SLC14A2: variants seen among roughly 807,000 people sequenced by gnomAD.
SLC14A2 encodes the protein solute carrier family 14 member 2.
A neutral mutation model predicts 104.6 loss-of-function variants in SLC14A2; 91 were observed. The ratio of observed to expected loss-of-function variants is 0.87; its 90% confidence interval spans 0.73 to 1.04. The LOEUF (loss-of-function observed/expected upper bound fraction) is 1.04. Ranked by LOEUF, SLC14A2 falls within the 50% of genes least tolerant of loss-of-function variation. SLC14A2 has a pLI of 0.00. For missense variants in SLC14A2, 1,189 were observed against 1,156.0 expected, an observed-to-expected ratio of 1.03 and a Z score of -0.41; for synonymous variants, 476 against 466.4, an observed-to-expected ratio of 1.02 and a Z score of -0.27.
chr18:45,329,434 A>G (rs2085268134), intron 1 of SLC14A2, among the ~76,000 whole-genome samples: 1 of 152,206 alleles, frequency 6.6e-6, no homozygotes, highest in Non-Finnish European at 1.5e-5. Context: ...CAATTTGCAG[A>G]CTACAACACC....
chr18:45,629,690 T>C (rs929803057), intron 4 of SLC14A2, among the ~76,000 whole-genome samples: 1 of 152,194 alleles, frequency 6.6e-6, no homozygotes, highest in African/African-American at 2.4e-5. Context: ...ATTAATCTAC[T>C]GGTAAACATG....
intron 1 of SLC14A2, among the ~76,000 whole-genome samples, chr18:45,481,361 G>A (rs2087489750): frequency 6.6e-6 from 1 of 152,106 alleles, no homozygotes. Context: ...CATGGCTAAT[G>A]AATCCTATTT....
At chr18:45,457,898 C>G (rs918626822) in intron 1 of SLC14A2, among the ~76,000 whole-genome samples, 6 of 152,042 alleles carry the variant, frequency 3.9e-5, no homozygotes, top group Admixed American at 3.9e-4. Flanking sequence ...GAAGAAGCAT[C>G]CTGGAGTCAG....
chr18:45,584,860 A>T (rs1488865471), intron 2 of SLC14A2, among the ~76,000 whole-genome samples: 1 of 152,218 alleles, frequency 6.6e-6, no homozygotes, highest in Non-Finnish European at 1.5e-5. Context: ...AAAAAATGTT[A>T]AGTGCTGGAA....
intron 1 of SLC14A2, among the ~76,000 whole-genome samples, chr18:45,348,248 T>C (rs2085468852): frequency 6.6e-6 from 1 of 152,192 alleles, no homozygotes; most frequent in Non-Finnish European, 1.5e-5. Context: ...TTATGGAAAG[T>C]AGTTGCAAGA....
intron 2 of SLC14A2, among the ~76,000 whole-genome samples, chr18:45,483,837 T>C (rs978475449): frequency 1.3e-5 from 2 of 152,198 alleles, no homozygotes; most frequent in African/African-American, 4.8e-5. Context: ...CATCGATTTA[T>C]TGGTTGTTTG....
intron 1 of SLC14A2, among the ~76,000 whole-genome samples, chr18:45,393,127 G>C (rs533968781): frequency 6.6e-6 from 1 of 152,276 alleles, no homozygotes; most frequent in African/African-American, 2.4e-5. Context: ...GTAGAGTTCT[G>C]GATGTTGTTA....
At chr18:45,649,325 C>G (rs998119350) in intron 10 of SLC14A2, among the ~76,000 whole-genome samples, 2 of 152,174 alleles carry the variant, frequency 1.3e-5, no homozygotes, top group Admixed American at 1.3e-4. Context: ...TCACTATTCT[C>G]CTCCCCAGCG....
chr18:45,238,034 A>T (rs533720720), intron 1 of SLC14A2, among the ~76,000 whole-genome samples: 2 of 152,306 alleles, frequency 1.3e-5, no homozygotes, highest in African/African-American at 4.8e-5. Context: ...ATTCCACCCA[A>T]GGTCTCCGGG....
chr18:45,172,392 A>G, the SLC14A2 span, among the ~76,000 whole-genome samples: 3 of 152,182 alleles, frequency 2.0e-5, no homozygotes, highest in Non-Finnish European at 4.4e-5. Flanking sequence ...AGAAGTCACC[A>G]AGGATTGAAA....
In SLC14A2 at chr18:45,637,015, T is replaced by C. The variant is rs199690967; in HGVS notation, c.676T>C (p.Ser226Pro). Residue 226 changes from serine to proline, a missense_variant, in exon 6 of 20, where the codon TCC (serine) becomes CCC (proline). Transcript: ENST00000255226. ...CCCAGTTCTTTCTAGTGCCTTGAAT[T>C]CCATCTTCAGCAAGTGGGACCTCCC... The part of the protein sequence containing the change: ...SCPVLSSALN[S>P]IFSKWDLPVF... 6.2e-7 allele frequency: 1 copy of C among 1,614,162 alleles called. No individual in the cohort carries two copies. Among genetic ancestry groups the C allele is most frequent in the East Asian group, 2.2e-5 (1 of 44,880 alleles).
intron 2 of SLC14A2, among the ~76,000 whole-genome samples, chr18:45,599,829 C>T (rs2044764351): frequency 6.6e-6 from 1 of 152,194 alleles, no homozygotes; most frequent in Non-Finnish European, 1.5e-5. Flanking sequence ...CAAGACACAT[C>T]TTACATGGAT....
At chr18:45,661,042 GTT>G (rs914466167) in intron 10 of SLC14A2, among the ~76,000 whole-genome samples, 18 of 152,148 alleles carry the variant, frequency 1.2e-4, no homozygotes, top group Non-Finnish European at 4.4e-5. Context: ...GGTACTTTCT[GTT>G]TTTGATTTTT....
At chr18:45,437,452 G>A (rs1283400399) in intron 1 of SLC14A2, among the ~76,000 whole-genome samples, 1 of 152,140 alleles carries the variant, frequency 6.6e-6, no homozygotes, top group Non-Finnish European at 1.5e-5. Context: ...CCTGGAGCCA[G>A]GCATGCCCAA....
chr18:45,595,873 A>C lies in SLC14A2; in HGVS notation c.-34-28758A>C, dbSNP rs933627315. Among the ~76,000 whole-genome samples the C allele has an allele frequency of 6.6e-5, 10 of 151,962 alleles. No individual in the cohort carries two copies. The South Asian group carries it at 1.5e-3, about 22-fold the overall frequency. On this transcript the variant is annotated intron_variant, in intron 2 of 20. Coordinates refer to the SLC14A2 transcript ENST00000586448. The stretch of plus-strand genomic sequence containing the variant: ...CTCTGATGTTCGGAGCGAACATCAG[A>C]CTCAGCTGGCTGCCCCCAGGGTGTT...
At position 45,579,477 on chromosome 18, in the gene SLC14A2, T is replaced by C. The variant is rs924612606; in HGVS notation, c.-34-45154T>C. Among the ~76,000 whole-genome samples, 6 of 152,368 alleles carry C rather than the reference T, an allele frequency of 3.9e-5. No individual in the cohort carries two copies. The East Asian group carries it at 1.2e-3, about 29-fold the overall frequency. On this transcript the variant is annotated intron_variant, in intron 2 of 20. Transcript: ENST00000586448. ...TAAATGGGGAACTTGCTTTTCCCTG[T>C]TTAAGTGGCTTTATAGGCTAGTTAT... is the stretch of plus-strand genomic sequence containing the variant.
chr18:45,672,144 AC>A lies in SLC14A2; in HGVS notation c.2230-755del, dbSNP rs571815102. On this transcript the variant is annotated intron_variant, in intron 16 of 19. Coordinates refer to ENST00000255226, the MANE Select transcript of SLC14A2 (RefSeq NM_007163.4). ...CGAGTTCCTCCTCCAGACCTTACTA[AC>A]AAAATCACACCCCAAACATGTTGTA... 1.5e-4 allele frequency among the ~76,000 whole-genome samples: 23 copies of A among 152,242 alleles called. No homozygotes were observed. In the South Asian group the frequency reaches 4.8e-3, roughly 32 times the overall value.
chr18:45,220,493 G>A (rs901809277), intron 1 of SLC14A2, among the ~76,000 whole-genome samples: 1 of 152,218 alleles, frequency 6.6e-6, no homozygotes, highest in Non-Finnish European at 1.5e-5. Flanking sequence ...CTGAGGCAGG[G>A]TTTTAAACTT....
At chr18:45,307,042 T>C (rs538755925) in intron 1 of SLC14A2, among the ~76,000 whole-genome samples, 6 of 152,246 alleles carry the variant, frequency 3.9e-5, no homozygotes, top group African/African-American at 9.6e-5. Flanking sequence ...TCGGTTATCA[T>C]AGGAAAGACT....
Sources: allele counts gnomAD v4.1 joint callset (sites outside exome capture counted in the v4.1 genomes callset), GRCh38; gene constraint gnomAD v4.1.1; transcripts MANE v1.5; gene names NCBI Gene and HGNC (gene_info 2026-07-23, HGNC 2026-07-21).